Variants in KIF6 observed in about 807,000 individuals in gnomAD.
The protein encoded by KIF6 is kinesin family member 6, also known as kinesin-like protein KIF6.
A neutral mutation model predicts 112.7 loss-of-function variants in KIF6; 106 were observed. The observed-to-expected ratio is 0.94, with a 90% CI of 0.80 to 1.11. The LOEUF (loss-of-function observed/expected upper bound fraction) is 1.11. KIF6 is among the 50% of genes least tolerant of loss of function. The pLI is 0.00. For missense variants in KIF6, 929 were observed against 964.0 expected (o/e 0.96, Z 0.48); for synonymous variants, 339 against 339.9 (o/e 1.00, Z 0.03).
chr6:39,679,378 G>A (rs1334182442), intron 3 of KIF6, among the ~76,000 whole-genome samples: 1 of 152,146 alleles, frequency 6.6e-6, no homozygotes, highest in Admixed American at 6.5e-5. Flanking sequence ...CCAGGGGTGA[G>A]ATACCTAGAA....
At chr6:39,485,628 A>G (rs1438632159) in intron 13 of KIF6, among the ~76,000 whole-genome samples, 1 of 152,106 alleles carries the variant, frequency 6.6e-6, no homozygotes, top group African/African-American at 2.4e-5. Context: ...CCTTTCCCCA[A>G]AGATTCTCAT....
intron 16 of KIF6, among the ~76,000 whole-genome samples, 184 bp downstream of exon 16, chr6:39,385,438 G>T (rs964201497): frequency 6.6e-6 from 1 of 152,122 alleles, no homozygotes; most frequent in East Asian, 1.9e-4. Context: ...AAGAACACAG[G>T]CTGGGGAAAC....
At chr6:39,409,604 T>C (rs1432168258) in intron 15 of KIF6, among the ~76,000 whole-genome samples, 1 of 152,226 alleles carries the variant, frequency 6.6e-6, no homozygotes, top group Admixed American at 6.5e-5. Flanking sequence ...ACATGCATAC[T>C]TTTAGGCTGG....
chr6:39,608,208 A>C (rs1782999918), intron 6 of KIF6, among the ~76,000 whole-genome samples: 3 of 152,184 alleles, frequency 2.0e-5, no homozygotes, highest in African/African-American at 7.2e-5. Context: ...ACTCAGATAA[A>C]TCTAGTACAC....
intron 3 of KIF6, among the ~76,000 whole-genome samples, chr6:39,677,958 G>A (rs1460531992): frequency 1.3e-5 from 2 of 149,338 alleles, no homozygotes; most frequent in Admixed American, 6.7e-5. Flanking sequence ...TTGGTTCCAA[G>A]TCTTTGCTAT....
chr6:39,635,154 C>T (rs1784561136), intron 4 of KIF6, among the ~76,000 whole-genome samples, 196 bp from the exon 5 acceptor site: 1 of 151,832 alleles, frequency 6.6e-6, no homozygotes, highest in African/African-American at 2.4e-5. Context: ...ATGGCCAACA[C>T]CCATGATTAC....
chr6:39,418,355 C>T (rs1229911831), intron 15 of KIF6, among the ~76,000 whole-genome samples: 6 of 152,094 alleles, frequency 3.9e-5, no homozygotes, highest in African/African-American at 7.2e-5. Context: ...AATTAAAATA[C>T]GCAGGCTTTT....
At chr6:39,472,151 A>G (rs1420205543) in intron 13 of KIF6, among the ~76,000 whole-genome samples, 1 of 151,944 alleles carries the variant, frequency 6.6e-6, no homozygotes, top group East Asian at 1.9e-4. Flanking sequence ...TTCATGCCCT[A>G]CAGTCTGGTT....
At chr6:39,435,170 A>G (rs1323861413) in intron 13 of KIF6, among the ~76,000 whole-genome samples, 2 of 152,156 alleles carry the variant, frequency 1.3e-5, no homozygotes, top group East Asian at 3.9e-4. Context: ...GTGGGGCTCA[A>G]AATGACCTCG....
At chr6:39,453,748 C>T (rs900900057) in intron 13 of KIF6, among the ~76,000 whole-genome samples, 4 of 152,198 alleles carry the variant, frequency 2.6e-5, no homozygotes, top group Non-Finnish European at 5.9e-5. Flanking sequence ...AGTCATTAAT[C>T]ACCTCCCAAC....
At chr6:39,618,966 C>T (rs756497757) in intron 5 of KIF6, among the ~76,000 whole-genome samples, 60 of 152,152 alleles carry the variant, frequency 3.9e-4, no homozygotes, top group Non-Finnish European at 7.3e-4. Flanking sequence ...CAATCTGTAA[C>T]CAGATTGCTC....
chr6:39,539,703 G>T (rs1778674707), intron 13 of KIF6, among the ~76,000 whole-genome samples: 1 of 152,088 alleles, frequency 6.6e-6, no homozygotes, highest in Non-Finnish European at 1.5e-5. Context: ...AATAAACGCT[G>T]CCTCGTCATC....
intron 18 of KIF6, among the ~76,000 whole-genome samples, chr6:39,359,879 G>A (rs1319337387): frequency 1.3e-5 from 2 of 152,136 alleles, no homozygotes; most frequent in South Asian, 2.1e-4. Flanking sequence ...ATGAGCCACC[G>A]TGCCCAGCCT....
intron 6 of KIF6, among the ~76,000 whole-genome samples, chr6:39,609,304 G>T (rs767359850): frequency 6.6e-6 from 1 of 152,102 alleles, no homozygotes; most frequent in Non-Finnish European, 1.5e-5. Flanking sequence ...TCCCAAAGTC[G>T]GCACCGAGTG....
chr6:39,443,068 C>T (rs1772030149), intron 13 of KIF6, among the ~76,000 whole-genome samples: 1 of 150,484 alleles, frequency 6.6e-6, no homozygotes, highest in South Asian at 2.1e-4. Flanking sequence ...GAGCCGAGAT[C>T]ACGCCATTGC....
intron 16 of KIF6, among the ~76,000 whole-genome samples, chr6:39,379,306 C>T (rs1317893915): frequency 6.6e-6 from 1 of 152,112 alleles, no homozygotes; most frequent in Non-Finnish European, 1.5e-5. Context: ...TTTAAATGGG[C>T]TTATTTTATT....
At chr6:39,652,644 C>G (rs1350744218) in intron 3 of KIF6, among the ~76,000 whole-genome samples, 1 of 151,980 alleles carries the variant, frequency 6.6e-6, no homozygotes, top group Non-Finnish European at 1.5e-5. Context: ...TCAGTCTGAT[C>G]AAAACTGAAC....
chr6:39,575,473 T>C (rs1418454995), intron 10 of KIF6, among the ~76,000 whole-genome samples: 1 of 152,068 alleles, frequency 6.6e-6, no homozygotes, highest in Non-Finnish European at 1.5e-5. Context: ...GGTTTCACCA[T>C]GTTGGCCAGG....
intron 16 of KIF6, among the ~76,000 whole-genome samples, chr6:39,382,094 C>T (rs1766998268): frequency 6.6e-6 from 1 of 152,198 alleles, no homozygotes; most frequent in Non-Finnish European, 1.5e-5. Flanking sequence ...GAAATGGCTT[C>T]CCAGACCGAA....
Sources: allele counts gnomAD v4.1 joint callset (sites outside exome capture counted in the v4.1 genomes callset), GRCh38; gene constraint gnomAD v4.1.1; transcripts MANE v1.5; gene names NCBI Gene and HGNC (gene_info 2026-07-23, HGNC 2026-07-21).